VEGFA: variants seen among roughly 807,000 people sequenced by gnomAD.
The protein encoded by VEGFA is vascular endothelial growth factor A.
Under a neutral mutation model 49.7 loss-of-function variants are expected in VEGFA, and 20 were observed. That is an observed-to-expected ratio of 0.40 (90% CI 0.28 to 0.58). The LOEUF is 0.58. VEGFA is among the 20% of genes least tolerant of loss of function. The pLI, the probability that VEGFA is intolerant of heterozygous loss-of-function variation, is 0.40. For missense variants in VEGFA, 505 were observed against 553.5 expected, an observed-to-expected ratio of 0.91 and a Z score of 0.88; for synonymous variants, 219 against 223.4, an observed-to-expected ratio of 0.98 and a Z score of 0.18.
At position 43,770,699 on chromosome 6, in the gene VEGFA, C is replaced by A. The variant is rs1763260943; in HGVS notation, c.-8C>A. On this transcript the variant is annotated 5_prime_UTR_variant, in exon 1 of 8. Coordinates refer to ENST00000672860, the MANE Select transcript of VEGFA (RefSeq NM_003376.6). ...TCCCCCTTGGGATCCCGCAGCTGAC[C>A]AGTCGCGCTGACGGACAGACAGACA... is the stretch of plus-strand genomic sequence containing the variant. 1.9e-6 allele frequency: 3 copies of A among 1,548,242 alleles called. No homozygotes were observed. In the East Asian group the frequency reaches 7.7e-5, roughly 40 times the overall value.
chr6:43,774,369 G>C lies in VEGFA; in HGVS notation c.635G>C (p.Gly212Ala). 1 of 1,614,232 alleles carries C rather than the reference G, an allele frequency of 6.2e-7. No individual in the cohort carries two copies. Among genetic ancestry groups the C allele is most frequent in the South Asian group, 1.1e-5 (1 of 91,084 alleles). The change falls in exon 2 of 8, where the codon GGA becomes GCA. Residue 212 changes from glycine to alanine, a missense_variant. Transcript: ENST00000672860. ...TCCCAGGCTGCACCCATGGCAGAAG[G>C]AGGAGGGCAGAATCATCACGAAGGT...
intron 5 of VEGFA, chr6:43,779,634 C>T (rs3025007): frequency 0.44 from 202,702 of 457,834 alleles, 45,886 homozygotes; most frequent in South Asian, 0.53. Flanking sequence ...TGTCTGCCTC[C>T]AGTGCTGTGC....
In VEGFA at chr6:43,784,214, A is replaced by T. The variant is rs1768937148; in HGVS notation, c.1167-327A>T. ...TCAGCTCTTAAAATGTCAAGTGGGG[A>T]CTGTTCTTTGGTATCCGTTCATTTG... On this transcript the variant is annotated intron_variant, in intron 7 of 7. Coordinates refer to ENST00000672860, the MANE Select transcript of VEGFA (RefSeq NM_003376.6). The T allele has an allele frequency of 1.3e-5, 6 of 469,978 alleles. No homozygotes were observed. In the South Asian group the frequency reaches 1.3e-4, roughly 10 times the overall value. 29.1% of individuals were successfully genotyped at this position (469,978 alleles called of 1,614,324 possible).
At chr6:43,771,355 G>A in intron 1 of VEGFA, 43 bp downstream of exon 1, 1 of 1,581,582 alleles carries the variant, frequency 6.3e-7, no homozygotes, top group Non-Finnish European at 8.6e-7. Context: ...CGCTGCGAGC[G>A]CCTCTCCCGG....
rs1448200006 is a variant in VEGFA, at chr6:43,777,560, G to A, written c.750G>A (p.Glu250=). Residue 250 remains glutamate (E), a synonymous_variant, in exon 3 of 8, where the codon GAG becomes GAA. Transcript: ENST00000672860. The surrounding 1 kb of genome is among the most constrained non-coding windows in gnomAD (Gnocchi z 4.3). The stretch of plus-strand genomic sequence containing the variant: ...TCCAGGAGTACCCTGATGAGATCGA[G>A]TACATCTTCAAGCCATCCTGTGTGC... 6 of 1,614,098 alleles carry A rather than the reference G, an allele frequency of 3.7e-6. No individual in the cohort carries two copies. The highest frequency in any genetic ancestry group is 5.1e-6 in the Non-Finnish European group (6 of 1,180,050).
chr6:43,779,030 G>T (rs1194817326), intron 5 of VEGFA, 112 bp downstream of exon 5: 3 of 1,388,112 alleles, frequency 2.2e-6, no homozygotes, highest in African/African-American at 1.4e-5. Context: ...TCAGGGACTT[G>T]GTCTTGTGGG....
chr6:43,782,714 C>T (rs1411413925), intron 7 of VEGFA: 1 of 169,592 alleles, frequency 5.9e-6, no homozygotes, highest in Non-Finnish European at 1.3e-5. Context: ...AGGGCTGTCT[C>T]CCCGCTCAGA....
chr6:43,779,378 G>A, intron 5 of VEGFA: 2 of 352,888 alleles, frequency 5.7e-6, no homozygotes, highest in South Asian at 2.6e-5. Flanking sequence ...CTCAGTGCAT[G>A]CCCTCCTGTA....
At chr6:43,779,502 G>A (rs1026452246) in intron 5 of VEGFA, 13 of 377,896 alleles carry the variant, frequency 3.4e-5, no homozygotes, top group African/African-American at 2.5e-4. Context: ...ATGGGGTGGG[G>A]GACAAGGTCT....
chr6:43,778,618 T>C (rs1766259605), intron 4 of VEGFA, 82 bp downstream of exon 4: 6 of 1,437,510 alleles, frequency 4.2e-6, no homozygotes, highest in Non-Finnish European at 4.9e-6. Flanking sequence ...TGCTGTACTT[T>C]TTGGCCCCCG....
At chr6:43,779,896 C>G (rs112465837) in intron 5 of VEGFA, 2 of 330,088 alleles carry the variant, frequency 6.1e-6, no homozygotes, top group Admixed American at 3.8e-5. Flanking sequence ...AGCCTGCCCC[C>G]CTTCCTGTTT....
intron 1 of VEGFA, among the ~76,000 whole-genome samples, chr6:43,772,482 G>T (rs1191636567): frequency 6.6e-6 from 1 of 152,200 alleles, no homozygotes; most frequent in Admixed American, 6.5e-5. Context: ...AGGATTTGAA[G>T]AGTCATTGCC....
intron 6 of VEGFA, 69 bp from the exon 7 acceptor site, chr6:43,781,887 A>C (rs574074749): frequency 1.0e-5 from 16 of 1,597,572 alleles, no homozygotes; most frequent in Non-Finnish European, 1.4e-5. Context: ...GGGGTGTTGC[A>C]TGGTGATTTT....
chr6:43,774,546 C>A, intron 2 of VEGFA, 154 bp downstream of exon 2: 1 of 904,324 alleles, frequency 1.1e-6, no homozygotes, highest in Non-Finnish European at 1.8e-6. Context: ...ACGAGGTTCA[C>A]CCTCAGTTTC....
rs150943328 is a variant in VEGFA at position 43,777,599 on chromosome 6, C to T, written c.789C>T (p.Cys263=). ...CATCCTGTGTGCCCCTGATGCGATG[C>T]GGGGGCTGCTGCAATGACGAGGGCC... Residue 263 remains cysteine, a synonymous_variant, in exon 3 of 8, where the codon TGC becomes TGT. Transcript: ENST00000672860. This position sits in a 1 kb window ranked among gnomAD's most constrained non-coding sequence, Gnocchi z 4.3. The T allele has an allele frequency of 3.2e-5, 51 of 1,613,206 alleles. No homozygotes were observed. In the African/African-American group the frequency reaches 3.5e-4, roughly 11 times the overall value.
Position 43,770,735 on chromosome 6 carries a change from C to T in VEGFA, c.29C>T (p.Pro10Leu). ...ACGGACAGACAGACAGACACCGCCCCCAGCCCCAGCTACCACCTCCTCCCC... is the reference window on the plus strand; with the variant it reads ...ACGGACAGACAGACAGACACCGCCCTCAGCCCCAGCTACCACCTCCTCCCC... The change falls in exon 1 of 8, where the codon CCC (proline) becomes CTC (leucine). Residue 10 changes from proline to leucine, a missense_variant. By Grantham distance (98) the Pro-to-Leu change is moderately conservative (BLOSUM62 -3). Transcript: ENST00000672860. 2 of 1,529,720 alleles carry T rather than the reference C, an allele frequency of 1.3e-6. No homozygotes were observed. The highest frequency in any genetic ancestry group is 1.7e-6 in the Non-Finnish European group (2 of 1,149,106). 94.8% of individuals were successfully genotyped at this position (1,529,720 alleles called of 1,614,324 possible).
intron 7 of VEGFA, 83 bp downstream of exon 7, chr6:43,782,170 G>A (rs1398507422): frequency 5.7e-6 from 9 of 1,572,718 alleles, no homozygotes; most frequent in East Asian, 4.6e-5. Context: ...GTGAGCGAGC[G>A]AGCGAGCGGG....
chr6:43,771,326 C>A lies in VEGFA; in HGVS notation c.606+14C>A. ...CACCATGCCAAGGTAAGCGGTCGTG[C>A]CCTGCTGGCGCCGCGGGCCGCTGCG... On this transcript the variant is annotated intron_variant, in intron 1 of 7. Transcript: ENST00000672860. 1.9e-6 allele frequency: 3 copies of A among 1,594,516 alleles called. No homozygotes were observed. Among genetic ancestry groups the A allele is most frequent in the Non-Finnish European group, 2.6e-6 (3 of 1,172,770 alleles).
In VEGFA at chr6:43,777,173, C is replaced by T. The variant is rs1765712364; in HGVS notation, c.659-296C>T. The T allele has an allele frequency of 1.2e-5, 6 of 483,994 alleles. No individual in the cohort carries two copies. Among genetic ancestry groups the T allele is most frequent in the Non-Finnish European group, 2.3e-5 (6 of 258,860 alleles). 30.0% of individuals were successfully genotyped at this position (483,994 alleles called of 1,614,324 possible). A position where few individuals can be genotyped will look rare whatever the true frequency, so the allele number is the denominator to read the frequency against. The stretch of plus-strand genomic sequence containing the variant: ...ACTGTCCTCTGGCATCGAGGTTGGC[C>T]CAGGATTCAGTTCAGCTGTCACAGT... On this transcript the variant is annotated intron_variant, in intron 2 of 7. Coordinates refer to ENST00000672860, the MANE Select transcript of VEGFA (RefSeq NM_003376.6). The surrounding 1 kb of genome is among the most constrained non-coding windows in gnomAD (Gnocchi z 4.3).
Sources: gnomAD v4.1 joint callset for allele counts (sites outside exome capture counted in the v4.1 genomes callset) on GRCh38, gnomAD v4.1.1 for gene constraint, Gnocchi (gnomAD v3.1) non-coding constraint, MANE v1.5 for transcripts, NCBI Gene and HGNC (gene_info 2026-07-23, HGNC 2026-07-21) for gene names.